Variants in OSBPL8 observed in about 807,000 individuals in gnomAD.
The protein encoded by OSBPL8 is oxysterol binding protein like 8.
A neutral mutation model predicts 125.5 loss-of-function variants in OSBPL8; 59 were observed. That is an observed-to-expected ratio of 0.47 (90% confidence interval 0.38 to 0.58). OSBPL8 has a LOEUF of 0.58. Ranked by LOEUF, OSBPL8 falls within the 20% of genes least tolerant of loss-of-function variation. The pLI, the probability that OSBPL8 is intolerant of heterozygous loss-of-function variation, is 0.00. For missense variants in OSBPL8, 758 were observed against 1,047.8 expected, an observed-to-expected ratio of 0.72 and a Z score of 3.82; for synonymous variants, 330 against 338.9, an observed-to-expected ratio of 0.97 and a Z score of 0.29.
chr12:76,357,766 T>C (rs942393895), intron 22 of OSBPL8, among the ~76,000 whole-genome samples: 3 of 152,220 alleles, frequency 2.0e-5, no homozygotes, highest in Non-Finnish European at 2.9e-5. Context: ...TTCTTAGTAA[T>C]CTACCATTTA....
chr12:76,371,463 T>G lies in OSBPL8; in HGVS notation c.2039A>C (p.Asp680Ala). Residue 680 changes from aspartate to alanine, a missense_variant, in exon 19 of 24, where the codon GAT (aspartate) becomes GCT (alanine). Asp to Ala is a moderately radical substitution (Grantham distance 126, BLOSUM62 -2). Coordinates refer to ENST00000261183, the MANE Select transcript of OSBPL8 (RefSeq NM_020841.5). ...GTATACTTACTTCTCTGATTCAAAA[T>G]CTCCCTGTTCTTCAAATTTTACAGT... is the stretch of plus-strand genomic sequence containing the variant. ...RHTVKFEEQG[D>A]FESEKLWQRV... 6.2e-7 allele frequency: 1 copy of G among 1,604,692 alleles called. No individual in the cohort carries two copies. The highest frequency in any genetic ancestry group is 8.5e-7 in the Non-Finnish European group (1 of 1,175,448).
chr12:76,539,669 A>T (rs1436458788), intron 1 of OSBPL8, among the ~76,000 whole-genome samples: 4 of 152,202 alleles, frequency 2.6e-5, no homozygotes, highest in Admixed American at 6.5e-5. Flanking sequence ...TTTCATGAAA[A>T]CTTTAGTTAG....
chr12:76,424,704 G>A (rs1048526716), intron 4 of OSBPL8, among the ~76,000 whole-genome samples: 1 of 152,038 alleles, frequency 6.6e-6, no homozygotes, highest in Non-Finnish European at 1.5e-5. Context: ...TGATATTATA[G>A]GATTGTTATG....
At chr12:76,520,518 G>A (rs931012304) in intron 1 of OSBPL8, among the ~76,000 whole-genome samples, 1 of 152,142 alleles carries the variant, frequency 6.6e-6, no homozygotes, top group African/African-American at 2.4e-5. Flanking sequence ...CCTTACATGA[G>A]GTTACAGGAT....
At chr12:76,460,909 T>C (rs779884036) in intron 2 of OSBPL8, among the ~76,000 whole-genome samples, 4 of 152,220 alleles carry the variant, frequency 2.6e-5, no homozygotes, top group East Asian at 3.8e-4. Context: ...CAAAACAAGT[T>C]AGCAGTTGTT....
At chr12:76,390,397 C>A in intron 11 of OSBPL8, 23 bp downstream of exon 11, 2 of 1,494,310 alleles carry the variant, frequency 1.3e-6, no homozygotes, top group South Asian at 1.2e-5. Context: ...AATCCAGAAC[C>A]TCTAAAAATA....
intron 4 of OSBPL8, among the ~76,000 whole-genome samples, chr12:76,443,671 G>A (rs1471201559): frequency 1.3e-5 from 2 of 152,040 alleles, no homozygotes; most frequent in Admixed American, 6.6e-5. Flanking sequence ...ATCATGCCTG[G>A]CTAATTTTAA....
chr12:76,362,805 C>T (rs1044745643), intron 21 of OSBPL8, among the ~76,000 whole-genome samples: 1 of 152,172 alleles, frequency 6.6e-6, no homozygotes. Flanking sequence ...CCCAAAATCT[C>T]CTTAAGCTGA....
intron 3 of OSBPL8, among the ~76,000 whole-genome samples, chr12:76,458,556 T>C (rs1309173785): frequency 6.6e-6 from 1 of 151,836 alleles, no homozygotes; most frequent in East Asian, 1.9e-4. Context: ...TTGGGTGTGG[T>C]GGCACAAGCC....
At chr12:76,394,829 T>A (rs1324947280) in intron 8 of OSBPL8, 100 bp from the exon 9 acceptor site, 2 of 796,102 alleles carry the variant, frequency 2.5e-6, no homozygotes, top group Non-Finnish European at 3.7e-6. Flanking sequence ...AAATCAGGTA[T>A]GGATTATAAT....
Position 76,355,714 on chromosome 12 carries a change from G to A in OSBPL8, c.*175C>T. On this transcript the variant is annotated 3_prime_UTR_variant, in exon 24 of 24. Transcript: ENST00000261183. ...CTCACTTTAATAATCAAATAGGATA[G>A]CTCTTGTTTCAGTGTGAAGATAAAA... The A allele has an allele frequency of 1.6e-6, 1 of 621,472 alleles. No homozygotes were observed. The allele number at this position is 621,472 out of a possible 1,614,324, so 38.5% of individuals were successfully genotyped here. A position where few individuals can be genotyped will look rare whatever the true frequency, so the allele number is the denominator to read the frequency against.
chr12:76,540,487 CGTGTGTGT>C (rs59101769), intron 1 of OSBPL8, among the ~76,000 whole-genome samples: 387 of 141,730 alleles, frequency 2.7e-3, no homozygotes, highest in African/African-American at 7.3e-3. Flanking sequence ...ATTATATAGT[CGTGTGTGT>C]GTGTGTGTGT....
intron 21 of OSBPL8, among the ~76,000 whole-genome samples, chr12:76,361,011 C>T (rs968883996): frequency 6.6e-6 from 1 of 152,172 alleles, no homozygotes; most frequent in African/African-American, 2.4e-5. Flanking sequence ...GATTAACATT[C>T]GGCTCCTTGT....
intron 9 of OSBPL8, among the ~76,000 whole-genome samples, chr12:76,393,128 G>T (rs1004806534): frequency 6.6e-6 from 1 of 152,108 alleles, no homozygotes; most frequent in African/African-American, 2.4e-5. Flanking sequence ...AACTGTTTTT[G>T]TTAATAGGAG....
chr12:76,392,324 G>A (rs1953597261), intron 10 of OSBPL8, among the ~76,000 whole-genome samples: 1 of 152,194 alleles, frequency 6.6e-6, no homozygotes, highest in African/African-American at 2.4e-5. Context: ...GGGACATCAT[G>A]CACAGACAAG....
At chr12:76,385,915 A>T (rs1462062788) in intron 14 of OSBPL8, 2 of 354,516 alleles carry the variant, frequency 5.6e-6, no homozygotes, top group Non-Finnish European at 9.0e-6. Flanking sequence ...AAATTAAAAA[A>T]AGGGCAGGGG....
intron 2 of OSBPL8, among the ~76,000 whole-genome samples, chr12:76,465,003 C>T (rs899169390): frequency 1.3e-5 from 2 of 152,098 alleles, no homozygotes; most frequent in Non-Finnish European, 2.9e-5. Context: ...GTCTGTTCTT[C>T]GAACAGGAGT....
intron 8 of OSBPL8, among the ~76,000 whole-genome samples, chr12:76,395,351 T>C (rs756071542): frequency 1.3e-5 from 2 of 152,144 alleles, no homozygotes; most frequent in Admixed American, 6.5e-5. Context: ...TAGACACGAA[T>C]CTGGAAAGAA....
intron 2 of OSBPL8, among the ~76,000 whole-genome samples, chr12:76,467,899 T>C (rs1465794242): frequency 1.3e-5 from 2 of 152,156 alleles, no homozygotes; most frequent in Non-Finnish European, 2.9e-5. Flanking sequence ...ATAAGTGATC[T>C]CCAGTCTACC....
Sources: gnomAD v4.1 joint callset for allele counts (sites outside exome capture counted in the v4.1 genomes callset) on GRCh38, gnomAD v4.1.1 for gene constraint, MANE v1.5 for transcripts, NCBI Gene and HGNC (gene_info 2026-07-23, HGNC 2026-07-21) for gene names.